Variants in ARHGEF26 observed in about 807,000 individuals in gnomAD.
ARHGEF26 encodes the protein Rho guanine nucleotide exchange factor (GEF) 26.
A neutral mutation model predicts 89.4 loss-of-function variants in ARHGEF26; 59 were observed. The ratio of observed to expected loss-of-function variants is 0.66; its 90% CI spans 0.54 to 0.82. The LOEUF (loss-of-function observed/expected upper bound fraction) is 0.82, where lower values mean the gene tolerates loss of function less well. Ranked by LOEUF, ARHGEF26 falls within the 40% of genes least tolerant of loss-of-function variation. The pLI, the probability that ARHGEF26 is intolerant of heterozygous loss-of-function variation, is 0.00. For synonymous variants in ARHGEF26, 500 were observed against 428.4 expected, an observed-to-expected ratio of 1.17 and a Z score of -2.06; for missense variants, 1,234 against 1,085.6, an observed-to-expected ratio of 1.14 and a Z score of -1.92.
chr3:154,248,245 G>A (rs1717914742), intron 12 of ARHGEF26, among the ~76,000 whole-genome samples: 1 of 152,156 alleles, frequency 6.6e-6, no homozygotes, highest in Non-Finnish European at 1.5e-5. Context: ...CACAGAGCTA[G>A]AAGCATAATG....
At chr3:154,132,822 A>G (rs1718768351) in intron 4 of ARHGEF26, among the ~76,000 whole-genome samples, 2 of 152,174 alleles carry the variant, frequency 1.3e-5, no homozygotes, top group South Asian at 2.1e-4. Context: ...ATCTACGTAT[A>G]TAAAATCATC....
intron 6 of ARHGEF26, among the ~76,000 whole-genome samples, chr3:154,171,301 C>T (rs1203830362): frequency 6.6e-6 from 1 of 152,152 alleles, no homozygotes; most frequent in Non-Finnish European, 1.5e-5. Flanking sequence ...ACAGCTTCTA[C>T]CCTACTATCA....
At chr3:154,245,080 T>C (rs1409739696) in intron 12 of ARHGEF26, among the ~76,000 whole-genome samples, 3 of 152,196 alleles carry the variant, frequency 2.0e-5, no homozygotes, top group Non-Finnish European at 4.4e-5. Context: ...GGGGCTGGAG[T>C]GCAGTGGCAC....
intron 6 of ARHGEF26, among the ~76,000 whole-genome samples, chr3:154,186,130 CACTTAG>C (rs1713510786): frequency 9.7e-6 from 1 of 103,358 alleles, no homozygotes; most frequent in Admixed American, 1.3e-4. Flanking sequence ...TCTCTACACA[CACTTAG>C]ACACACACAC....
intron 8 of ARHGEF26, among the ~76,000 whole-genome samples, chr3:154,192,565 T>C (rs1325287492): frequency 6.6e-6 from 1 of 152,200 alleles, no homozygotes; most frequent in African/African-American, 2.4e-5. Flanking sequence ...TGTGTACATA[T>C]TGGGAAGCTT....
At chr3:154,215,360 A>G (rs753046630) in intron 9 of ARHGEF26, among the ~76,000 whole-genome samples, 13 of 138,920 alleles carry the variant, frequency 9.4e-5, no homozygotes, top group Non-Finnish European at 1.7e-4. Flanking sequence ...CCACTCCCCT[A>G]CTCACCTGTG....
Position 154,122,636 on chromosome 3 carries a change from T to G in ARHGEF26, c.644T>G (p.Leu215Arg). The G allele has an allele frequency of 1.9e-6, 3 of 1,613,488 alleles. No homozygotes were observed. The highest frequency in any genetic ancestry group is 2.5e-6 in the Non-Finnish European group (3 of 1,179,820). ...GPQKSSSEQK[L>R]PLQRLPSQEN... ...CAGAAAAGTTCTTCGGAACAAAAAC[T>G]CCCCCTCCAAAGGCTGCCCTCCCAG... is the stretch of plus-strand genomic sequence containing the variant. Residue 215 changes from leucine (L) to arginine (R), a missense_variant, in exon 2 of 15, where the codon CTC becomes CGC. Coordinates refer to ENST00000465093, the MANE Select transcript of ARHGEF26 (RefSeq NM_015595.4).
intron 11 of ARHGEF26, among the ~76,000 whole-genome samples, chr3:154,234,102 A>G (rs902500079): frequency 6.6e-6 from 1 of 152,178 alleles, no homozygotes; most frequent in Admixed American, 6.5e-5. Flanking sequence ...TTGGGTTTCC[A>G]TCTGTCGGAT....
chr3:154,197,243 G>A (rs78991152), intron 9 of ARHGEF26, among the ~76,000 whole-genome samples: 1,623 of 152,188 alleles, frequency 0.011, 23 homozygotes, highest in African/African-American at 0.037. Flanking sequence ...GTCTCCCAGC[G>A]TTACAGGGAA....
chr3:154,231,187 G>A (rs1250261749), intron 11 of ARHGEF26, among the ~76,000 whole-genome samples: 2 of 152,334 alleles, frequency 1.3e-5, no homozygotes, highest in Admixed American at 6.5e-5. Context: ...AAGATGGCAA[G>A]ATGGGGTGGA....
chr3:154,169,442 C>G (rs981529538), intron 6 of ARHGEF26, among the ~76,000 whole-genome samples: 4 of 151,760 alleles, frequency 2.6e-5, no homozygotes, highest in Non-Finnish European at 5.9e-5. Flanking sequence ...TCTGCCTTTT[C>G]TTATACTATA....
chr3:154,199,187 A>G (rs190900499), intron 9 of ARHGEF26, among the ~76,000 whole-genome samples: 277 of 151,876 alleles, frequency 1.8e-3, no homozygotes, highest in African/African-American at 6.5e-3. Context: ...ATACCCATTA[A>G]CCATCCCCAC....
At chr3:154,136,476 G>A (rs997500180) in intron 4 of ARHGEF26, among the ~76,000 whole-genome samples, 3 of 152,072 alleles carry the variant, frequency 2.0e-5, no homozygotes, top group African/African-American at 7.2e-5. Context: ...GATGAGAAAG[G>A]AAGATTTGAA....
chr3:154,234,462 C>A (rs1443784371), intron 11 of ARHGEF26, among the ~76,000 whole-genome samples: 1 of 152,164 alleles, frequency 6.6e-6, no homozygotes, highest in Non-Finnish European at 1.5e-5. Flanking sequence ...CTTAGTTTTT[C>A]TTCACAACTC....
intron 5 of ARHGEF26, among the ~76,000 whole-genome samples, chr3:154,150,656 G>A (rs962799054): frequency 1.3e-5 from 2 of 152,028 alleles, no homozygotes; most frequent in African/African-American, 4.8e-5. Context: ...GACAGTAGGT[G>A]GGACTTTTTC....
chr3:154,224,756 C>T (rs1716369629), intron 10 of ARHGEF26, among the ~76,000 whole-genome samples: 2 of 152,182 alleles, frequency 1.3e-5, no homozygotes, highest in Non-Finnish European at 2.9e-5. Context: ...TTGGGGTTAG[C>T]CATAATCTTT....
intron 6 of ARHGEF26, among the ~76,000 whole-genome samples, chr3:154,185,232 C>T (rs902304416): frequency 6.6e-6 from 1 of 152,080 alleles, no homozygotes; most frequent in Non-Finnish European, 1.5e-5. Flanking sequence ...AGTTCCGGTC[C>T]TACAATTTAA....
intron 4 of ARHGEF26, among the ~76,000 whole-genome samples, chr3:154,142,560 C>T (rs1324042342): frequency 6.6e-6 from 1 of 152,130 alleles, no homozygotes; most frequent in Non-Finnish European, 1.5e-5. Flanking sequence ...ATTTTTATTG[C>T]AAAATCTCAG....
At position 154,162,267 on chromosome 3, in the gene ARHGEF26, T is replaced by A. The variant is rs1711710899; in HGVS notation, c.1487+9335T>A. 1.3e-5 allele frequency among the ~76,000 whole-genome samples: 2 copies of A among 152,168 alleles called. 1 individual carries two copies. The highest frequency in any genetic ancestry group is 4.1e-4 in the South Asian group (2 of 4,832). On this transcript the variant is annotated intron_variant, in intron 6 of 14. Transcript: ENST00000465093. The stretch of plus-strand genomic sequence containing the variant: ...GATGGAAAAGATTTTAATTTAAACT[T>A]TGTATTCTAGCCAAGTTAAAGCTAG...
Sources: gnomAD v4.1 joint callset for allele counts (sites outside exome capture counted in the v4.1 genomes callset) on GRCh38, gnomAD v4.1.1 for gene constraint, MANE v1.5 for transcripts, NCBI Gene and HGNC (gene_info 2026-07-23, HGNC 2026-07-21) for gene names.